TAF12: variants seen among roughly 807,000 people sequenced by gnomAD.
TAF12 encodes TATA-box binding protein associated factor 12, also known as transcription initiation factor TFIID subunit 12.
Under a neutral mutation model 20.8 loss-of-function variants are expected in TAF12, and 3 were observed. The ratio of observed to expected loss-of-function variants is 0.14; its 90% CI spans 0.07 to 0.37. The LOEUF (loss-of-function observed/expected upper bound fraction) is 0.37. TAF12 is among the 10% of genes least tolerant of loss of function. The pLI, the probability that TAF12 is intolerant of heterozygous loss-of-function variation, is 1.00. For missense variants in TAF12, 131 were observed against 197.9 expected (o/e 0.66, Z 2.03); for synonymous variants, 69 against 70.2 (o/e 0.98, Z 0.09).
chr1:28,642,676 A>C, intron 1 of TAF12: 3 of 985,048 alleles, frequency 3.0e-6, no homozygotes, highest in Non-Finnish European at 3.6e-6. Context: ...CTGTGTCTTC[A>C]CGCCCCGTTC....
intron 1 of TAF12, among the ~76,000 whole-genome samples, chr1:28,638,787 ATTTTTTTTT>A (rs759099050): frequency 9.8e-6 from 1 of 101,846 alleles, no homozygotes; most frequent in African/African-American, 4.0e-5. Flanking sequence ...CACCTGGCCT[ATTTTTTTTT>A]TTTTTTTTTT....
Position 28,613,300 on chromosome 1 carries a change from G to A in TAF12, c.308C>T (p.Ala103Val), listed in dbSNP as rs1224981938. The change falls in exon 4 of 6, where the codon GCG becomes GTG. Residue 103 changes from alanine (A) to valine (V), a missense_variant. Coordinates refer to ENST00000373824, the MANE Select transcript of TAF12 (RefSeq NM_005644.4). ...ESVVTAACQL[A>V]RHRKSSTLEV... Reference sequence around the variant, plus strand: ...CAGGGTGCTAGACTTGCGATGCCGCGCAAGCTGACAGGCTGCTGTCACCAC... The same window carrying A: ...CAGGGTGCTAGACTTGCGATGCCGCACAAGCTGACAGGCTGCTGTCACCAC... 1 of 1,612,210 alleles carries A rather than the reference G, an allele frequency of 6.2e-7. No homozygotes were observed. Among genetic ancestry groups the A allele is most frequent in the Admixed American group, 1.7e-5 (1 of 59,712 alleles).
At chr1:28,633,605 C>T (rs1447455030) in intron 1 of TAF12, among the ~76,000 whole-genome samples, 3 of 150,574 alleles carry the variant, frequency 2.0e-5, no homozygotes, top group African/African-American at 4.9e-5. Flanking sequence ...GGTGAAACCC[C>T]GTCTCTACTA....
intron 5 of TAF12, 90 bp from the exon 6 acceptor site, chr1:28,603,664 T>A: frequency 7.4e-7 from 1 of 1,359,206 alleles, no homozygotes; most frequent in South Asian, 1.2e-5. Flanking sequence ...GGCCTCATGG[T>A]CTACACTGTA....
chr1:28,621,178 T>C (rs1223978601), intron 2 of TAF12, among the ~76,000 whole-genome samples: 3 of 152,192 alleles, frequency 2.0e-5, no homozygotes, highest in Admixed American at 6.6e-5. Flanking sequence ...TCAACATAGG[T>C]TGATATCCTG....
chr1:28,630,980 G>C (rs944562458), intron 1 of TAF12, among the ~76,000 whole-genome samples: 48 of 150,836 alleles, frequency 3.2e-4, no homozygotes, highest in Middle Eastern at 6.8e-3. Context: ...GGGAGGCGGA[G>C]GTTGCAGTGA....
At chr1:28,642,774 T>A in intron 1 of TAF12, 1 of 985,388 alleles carries the variant, frequency 1.0e-6, no homozygotes, top group Non-Finnish European at 1.2e-6. Flanking sequence ...AGAACTCGCA[T>A]CCGTCCCCGT....
intron 2 of TAF12, among the ~76,000 whole-genome samples, chr1:28,619,728 A>G (rs915632792): frequency 3.4e-5 from 5 of 149,062 alleles, no homozygotes; most frequent in Non-Finnish European, 5.9e-5. Context: ...AGGCGGGTGG[A>G]TAACCTGAAG....
At chr1:28,628,228 T>TGG (rs760486849) in intron 1 of TAF12, among the ~76,000 whole-genome samples, 58 of 3,866 alleles carry the variant, frequency 0.015, 6 homozygotes, top group South Asian at 0.044. Flanking sequence ...GTGCAGGGGG[T>TGG]GGGGGGGGGG....
upstream of TAF12, among the ~76,000 whole-genome samples, chr1:28,647,020 G>T (rs978480422): frequency 4.6e-5 from 7 of 151,824 alleles, no homozygotes; most frequent in Non-Finnish European, 1.0e-4. Context: ...TTTTAATAGA[G>T]ACAGGGTTTC....
Position 28,625,731 on chromosome 1 carries a change from C to T in TAF12, c.-84-3566G>A, listed in dbSNP as rs1019143474. The stretch of plus-strand genomic sequence containing the variant: ...TATTTTTTTGTATTTTTAGTAGAGA[C>T]GGGGTTTCACCGTGTTAGCCAGGAT... On this transcript the variant is annotated intron_variant, in intron 1 of 5. Coordinates refer to ENST00000373824, the MANE Select transcript of TAF12 (RefSeq NM_005644.4). 1.3e-4 allele frequency among the ~76,000 whole-genome samples: 20 copies of T among 151,714 alleles called. 1 individual carries two copies. Among genetic ancestry groups the T allele is most frequent in the Admixed American group, 1.1e-3 (17 of 15,208 alleles).
At position 28,618,030 on chromosome 1, in the gene TAF12, C is replaced by T; in HGVS notation, c.169G>A (p.Val57Ile). 1.2e-6 allele frequency: 2 copies of T among 1,612,170 alleles called. No homozygotes were observed. The highest frequency in any genetic ancestry group is 8.5e-7 in the Non-Finnish European group (1 of 1,179,060). ...GGRLSPENNQ[V>I]LTKKKLQDLV... The stretch of plus-strand genomic sequence containing the variant: ...TCCTGTAATTTCTTCTTGGTCAATA[C>T]CTAAAGTTAATTGGAAGAAGACTTT... Residue 57 changes from valine to isoleucine, a missense_variant and splice_region_variant, in exon 3 of 6, where the codon GTA becomes ATA. By Grantham distance (29) the Val-to-Ile change is conservative. This residue lies in a region of TAF12 where 63 missense variants were observed against 72.1 expected (regional missense o/e 0.87). Coordinates refer to ENST00000373824, the MANE Select transcript of TAF12 (RefSeq NM_005644.4).
chr1:28,624,278 A>C (rs1320581659), intron 1 of TAF12, among the ~76,000 whole-genome samples: 2 of 152,194 alleles, frequency 1.3e-5, no homozygotes, highest in East Asian at 3.8e-4. Context: ...GTTAGGGATA[A>C]ACTAACAGCA....
intron 1 of TAF12, among the ~76,000 whole-genome samples, chr1:28,638,032 G>A (rs761465188): frequency 4.6e-5 from 7 of 151,950 alleles, no homozygotes; most frequent in East Asian, 3.9e-4. Context: ...ATGGAGTCTC[G>A]CTCTGTCGCT....
At chr1:28,609,590 G>A (rs1160281811) in intron 4 of TAF12, among the ~76,000 whole-genome samples, 2 of 151,642 alleles carry the variant, frequency 1.3e-5, no homozygotes, top group African/African-American at 2.4e-5. Context: ...GGATTCAAGC[G>A]ATTTTCGTGC....
intron 4 of TAF12, among the ~76,000 whole-genome samples, chr1:28,612,815 G>A (rs1453700123): frequency 6.6e-6 from 1 of 152,004 alleles, no homozygotes; most frequent in African/African-American, 2.4e-5. Context: ...AACTCTAAGG[G>A]AACACTGAGG....
chr1:28,606,378 A>G (rs1313766622), intron 4 of TAF12, among the ~76,000 whole-genome samples: 1 of 152,080 alleles, frequency 6.6e-6, no homozygotes, highest in Non-Finnish European at 1.5e-5. Context: ...ACCTCAGGTG[A>G]TCTGCCTGCC....
intron 1 of TAF12, among the ~76,000 whole-genome samples, chr1:28,635,446 C>T (rs1021846478): frequency 2.6e-5 from 4 of 151,106 alleles, no homozygotes; most frequent in African/African-American, 9.7e-5. Context: ...GCTGGGTCTA[C>T]AGGCGCCTGC....
Position 28,643,031 on chromosome 1 carries a change from C to A in TAF12, c.-124G>T, listed in dbSNP as rs1422380660. On this transcript the variant is annotated 5_prime_UTR_variant, in exon 1 of 6. Transcript: ENST00000373824. ...ATCTCCCCATGATATGCAGAGACTG[C>A]CCCAGTGAAGCGTTCGTCTCAGCAG... is the stretch of plus-strand genomic sequence containing the variant. The A allele has an allele frequency of 1.0e-6, 1 of 985,818 alleles. No homozygotes were observed. Among genetic ancestry groups the A allele is most frequent in the African/African-American group, 1.7e-5 (1 of 57,248 alleles). 61.1% of individuals were successfully genotyped at this position (985,818 alleles called of 1,614,324 possible).
Sources: gnomAD v4.1 joint callset for allele counts (sites outside exome capture counted in the v4.1 genomes callset) on GRCh38, gnomAD v4.1.1 for gene constraint, gnomAD v4.1.1 regional missense constraint, MANE v1.5 for transcripts, NCBI Gene and HGNC (gene_info 2026-07-23, HGNC 2026-07-21) for gene names.